THOC2: variants seen among roughly 807,000 people sequenced by gnomAD.
THOC2 encodes THO complex subunit 2, also known as THO complex 2.
THOC2 carries 10 observed loss-of-function variants against 128.4 expected under a neutral mutation model. That is an observed-to-expected ratio of 0.08 (90% CI 0.05 to 0.13). The LOEUF is 0.13. THOC2 is among the 10% of genes least tolerant of loss of function. The pLI, the probability that THOC2 is intolerant of heterozygous loss-of-function variation, is 1.00. For missense variants in THOC2, 535 were observed against 1,155.7 expected (o/e 0.46, Z 7.79); for synonymous variants, 393 against 396.9 (o/e 0.99, Z 0.12).
intron 12 of THOC2, among the ~76,000 whole-genome samples, chrX:123,650,375 G>A (rs1419908262): frequency 8.9e-6 from 1 of 111,839 alleles, no homozygotes; most frequent in African/African-American, 3.3e-5. Context: ...AAAGACCATC[G>A]ACACTATGAA....
intron 12 of THOC2, among the ~76,000 whole-genome samples, chrX:123,661,945 T>C (rs1172477467): frequency 2.7e-5 from 3 of 111,355 alleles, no homozygotes; most frequent in Non-Finnish European, 5.7e-5. Flanking sequence ...TGAGCCATGG[T>C]GGTGCCACTT....
rs1398141822 is a variant in THOC2 at position 123,668,000 on chromosome X, G to T, written c.1017+159C>A. Among the ~76,000 whole-genome samples, 6 of 111,572 alleles carry T rather than the reference G, an allele frequency of 5.4e-5. No homozygotes were observed. In the Admixed American group the frequency reaches 5.7e-4, roughly 11 times the overall value. The stretch of plus-strand genomic sequence containing the variant: ...GCTTCTCTTAAAAAGGAGCCATTCA[G>T]ATTAAAAATAAAACCACTGTAGCAA... On this transcript the variant is annotated intron_variant, in intron 10 of 38. Coordinates refer to ENST00000245838, the MANE Select transcript of THOC2 (RefSeq NM_001081550.2).
At chrX:123,647,525 C>A (rs928418416) in intron 12 of THOC2, among the ~76,000 whole-genome samples, 2 of 111,021 alleles carry the variant, frequency 1.8e-5, no homozygotes, top group Non-Finnish European at 3.8e-5. Flanking sequence ...AGAGTACAGG[C>A]ACCTCTTGAA....
At chrX:123,681,277 T>G (rs2049768144) in intron 8 of THOC2, among the ~76,000 whole-genome samples, 1 of 110,321 alleles carries the variant, frequency 9.1e-6, no homozygotes, top group African/African-American at 3.3e-5. Context: ...CATCCATGGA[T>G]TCTAAACCAT....
At chrX:123,635,456 C>G (rs1462223353) in intron 19 of THOC2, among the ~76,000 whole-genome samples, 1 of 111,336 alleles carries the variant, frequency 9.0e-6, no homozygotes, top group Non-Finnish European at 1.9e-5. Context: ...TGCTTTCTAC[C>G]AGAAAGCTTC....
At chrX:123,630,018 C>G (rs1226155941) in intron 22 of THOC2, among the ~76,000 whole-genome samples, 3 of 111,825 alleles carry the variant, frequency 2.7e-5, no homozygotes, top group African/African-American at 9.8e-5. Context: ...CATGATAGCT[C>G]CAATCTCCCC....
At chrX:123,669,719 T>C (rs1169238010) in intron 9 of THOC2, among the ~76,000 whole-genome samples, 1 of 112,078 alleles carries the variant, frequency 8.9e-6, no homozygotes, top group Non-Finnish European at 1.9e-5. Context: ...TTTGAGAATA[T>C]GTCATTAGAT....
intron 12 of THOC2, among the ~76,000 whole-genome samples, chrX:123,657,970 T>C (rs866561315): frequency 2.0e-5 from 2 of 101,425 alleles, no homozygotes; most frequent in Non-Finnish European, 4.1e-5. Context: ...CGTGTGTGTG[T>C]GTGTGTGTGT....
intron 1 of THOC2, among the ~76,000 whole-genome samples, chrX:123,720,288 A>T (rs1476768482): frequency 9.1e-6 from 1 of 110,314 alleles, no homozygotes; most frequent in Non-Finnish European, 1.9e-5. Context: ...TCTACAAAAA[A>T]AATTTAAAAA....
At chrX:123,622,038 CCTT>C (rs1369345704) in intron 30 of THOC2, among the ~76,000 whole-genome samples, 1 of 111,542 alleles carries the variant, frequency 9.0e-6, no homozygotes, top group East Asian at 2.8e-4. Context: ...GAGCAAGACT[CCTT>C]CTCGAAAAAA....
At chrX:123,603,567 G>A in intron 38 of THOC2, 1 of 891,846 alleles carries the variant, frequency 1.1e-6, no homozygotes, top group Non-Finnish European at 1.6e-6. Context: ...GAAAATCAGT[G>A]ACTTTGGAAT....
intron 33 of THOC2, 56 bp from the exon 34 acceptor site, chrX:123,614,245 C>A: frequency 1.0e-6 from 1 of 997,564 alleles, no homozygotes. Flanking sequence ...ATTGGCATCA[C>A]TTGTTTGTTT....
chrX:123,653,532 C>T (rs1482237918), intron 12 of THOC2, among the ~76,000 whole-genome samples: 1 of 110,361 alleles, frequency 9.1e-6, no homozygotes, highest in Non-Finnish European at 1.9e-5. Context: ...GACAAAAGGG[C>T]TAATATCCAG....
chrX:123,709,952 AAGG>A (rs1477160945), intron 2 of THOC2, among the ~76,000 whole-genome samples: 1 of 111,578 alleles, frequency 9.0e-6, no homozygotes, highest in African/African-American at 3.3e-5. Context: ...TAAAAGAAAC[AAGG>A]AGAAGCAGTG....
chrX:123,645,483 T>C, intron 12 of THOC2, 108 bp from the exon 13 acceptor site: 7 of 424,764 alleles, frequency 1.6e-5, no homozygotes, highest in Middle Eastern at 1.4e-3. Flanking sequence ...TTGTAAATTG[T>C]TCTTACTTTT....
chrX:123,626,708 C>T, intron 23 of THOC2, 46 bp from the exon 24 acceptor site: 1 of 1,111,551 alleles, frequency 9.0e-7, no homozygotes, highest in South Asian at 2.0e-5. Flanking sequence ...ATGCACATTA[C>T]CTTTCTTCTT....
At position 123,693,825 on chromosome X, in the gene THOC2, G is replaced by C. The variant is rs772604048; in HGVS notation, c.601+2196C>G. 4.5e-5 allele frequency among the ~76,000 whole-genome samples: 5 copies of C among 111,005 alleles called. No homozygotes were observed. The East Asian group carries it at 1.1e-3, about 25-fold the overall frequency. ...AGGGAGTTTTGACAGGGGTGGGCAGGGAAGGCTTCACTAAGAAGGTGACAT... is the reference window on the plus strand; with the variant it reads ...AGGGAGTTTTGACAGGGGTGGGCAGCGAAGGCTTCACTAAGAAGGTGACAT... On this transcript the variant is annotated intron_variant, in intron 7 of 38. Transcript: ENST00000245838.
intron 4 of THOC2, among the ~76,000 whole-genome samples, chrX:123,700,529 G>T (rs1303059855): frequency 1.4e-5 from 1 of 70,432 alleles, no homozygotes; most frequent in South Asian, 1.4e-3. Flanking sequence ...CGGCGGGGGG[G>T]AGGTGGTGAG....
In THOC2 at chrX:123,671,681, A is replaced by G. The variant is rs1472312029; in HGVS notation, c.849T>C (p.Asp283=). ...LLQFNLIDLD[D]LYVHLLPADN... ...CCACTTGACTTACATGTACATAAAG[A>G]TCATCTAAATCAATAAGATTAAATT... Residue 283 remains aspartate, a synonymous_variant, in exon 9 of 39, where the codon GAT becomes GAC. Transcript: ENST00000245838. The G allele has an allele frequency of 8.7e-7, 1 of 1,144,874 alleles. No individual in the cohort carries two copies. Among genetic ancestry groups the G allele is most frequent in the Admixed American group, 2.3e-5 (1 of 42,963 alleles). The allele number at this position is 1,144,874 out of a possible 1,213,427, so 94.4% of individuals were successfully genotyped here.
Sources: gnomAD v4.1 joint callset for allele counts (sites outside exome capture counted in the v4.1 genomes callset) on GRCh38, gnomAD v4.1.1 for gene constraint, MANE v1.5 for transcripts, NCBI Gene and HGNC (gene_info 2026-07-23, HGNC 2026-07-21) for gene names.